SH3BP2: variants seen among roughly 807,000 people sequenced by gnomAD.
SH3BP2 encodes the protein SH3 domain binding protein 2.
A neutral mutation model predicts 56.2 loss-of-function variants in SH3BP2; 38 were observed. That is an observed-to-expected ratio of 0.68 (90% CI 0.52 to 0.89). The LOEUF (loss-of-function observed/expected upper bound fraction) is 0.89. Ranked by LOEUF, SH3BP2 falls within the 40% of genes least tolerant of loss-of-function variation. The probability of loss-of-function intolerance (pLI) is 0.00; values close to 1 mark genes in which losing one functional copy is unlikely to be tolerated. For synonymous variants in SH3BP2, 346 were observed against 316.7 expected, an observed-to-expected ratio of 1.09 and a Z score of -0.98; for missense variants, 748 against 762.6, an observed-to-expected ratio of 0.98 and a Z score of 0.23.
intron 5 of SH3BP2, chr4:2,826,996 T>C (rs1172486878): frequency 3.0e-6 from 2 of 668,622 alleles, no homozygotes; most frequent in Non-Finnish European, 5.5e-6. Context: ...TGTGTGCATG[T>C]GTGTGTCTGT....
At chr4:2,802,675 A>ATATATATATGTATATGTGTGTGTGTGTG in intron 1 of SH3BP2, among the ~76,000 whole-genome samples, 1 of 145,986 alleles carries the variant, frequency 6.8e-6, no homozygotes, top group African/African-American at 2.7e-5. Flanking sequence ...GTGTGTGTGT[A>ATATATATATGTATATGTGTGTGTGTGTG]TATATATATG....
chr4:2,794,774 T>A (rs1723007598), intron 1 of SH3BP2, among the ~76,000 whole-genome samples: 2 of 152,196 alleles, frequency 1.3e-5, no homozygotes, highest in Admixed American at 1.3e-4. Flanking sequence ...GGGCCTGCCT[T>A]GGCCCTTTCT....
At chr4:2,832,563 C>G (rs1725048427) in intron 11 of SH3BP2, 151 bp downstream of exon 11, 1 of 721,044 alleles carries the variant, frequency 1.4e-6, no homozygotes, top group South Asian at 1.5e-5. Flanking sequence ...CAGCACCCCC[C>G]AATCTATTCC....
rs554356820 is a variant in SH3BP2 at position 2,806,346 on chromosome 4, G to T, written c.-5+13208G>T. On this transcript the variant is annotated intron_variant, in intron 1 of 12. Coordinates refer to ENST00000503393, the MANE Select transcript of SH3BP2 (RefSeq NM_001122681.2). ...GGCGAGGCAGGGTGGGGAGGAGGTG[G>T]GCCCCAGCCTTGGGTGGGAGCCAGG... Among the ~76,000 whole-genome samples the T allele has an allele frequency of 2.6e-5, 4 of 152,294 alleles. No homozygotes were observed. The East Asian group carries it at 7.7e-4, about 29-fold the overall frequency.
intron 5 of SH3BP2, chr4:2,826,783 C>T (rs1216134690): frequency 7.8e-6 from 3 of 382,934 alleles, no homozygotes; most frequent in Admixed American, 3.0e-5. Context: ...GTGTGTCGCT[C>T]GTCTGTGTGT....
rs140532510 is a variant in SH3BP2, at chr4:2,827,230, C to G, written c.429C>G (p.Ser143Arg). 1.2e-6 allele frequency: 2 copies of G among 1,613,814 alleles called. No homozygotes were observed. The highest frequency in any genetic ancestry group is 8.5e-7 in the Non-Finnish European group (1 of 1,179,938). Residue 143 changes from serine to arginine, a missense_variant and splice_region_variant, in exon 6 of 13, where the codon AGC becomes AGG. Physicochemically the swap from Ser to Arg is moderately radical, Grantham distance 110 (BLOSUM62 -1). Around this residue, in one of 3 missense-constraint regions of SH3BP2, gnomAD observed 635 missense variants for 615.0 expected, o/e 1.03. Coordinates refer to ENST00000503393, the MANE Select transcript of SH3BP2 (RefSeq NM_001122681.2). ...CGCCCCAACGCACCCTGCATTGCAGCGACTCCAGCTCGGACACAGACAGCT... is the reference window on the plus strand; with the variant it reads ...CGCCCCAACGCACCCTGCATTGCAGGGACTCCAGCTCGGACACAGACAGCT... ...HEKKDLPLDT[S>R]DSSSDTDSFY...
chr4:2,825,090 T>G (rs1359598940), intron 4 of SH3BP2, 36 bp from the exon 5 acceptor site: 26 of 1,542,024 alleles, frequency 1.7e-5, no homozygotes, highest in Non-Finnish European at 2.2e-5. Flanking sequence ...CCCACCCTGG[T>G]GGCACCGTGC....
In SH3BP2 at chr4:2,829,688, C is replaced by G. The variant is rs146213141; in HGVS notation, c.782C>G (p.Pro261Arg). The G allele has an allele frequency of 3.1e-4, 499 of 1,613,076 alleles. No homozygotes were observed. In the African/African-American group the frequency reaches 6.1e-3, roughly 20 times the overall value. Reference sequence around the variant, plus strand: ...GACTCCAAGAGGGACCCACTGTGCCCGAGGCGGGCTGAGCCTTGCCCCAGG... The same window carrying G: ...GACTCCAAGAGGGACCCACTGTGCCGGAGGCGGGCTGAGCCTTGCCCCAGG... ...AEDSKRDPLC[P>R]RRAEPCPRVP... Residue 261 changes from proline to arginine, a missense_variant, in exon 8 of 13, where the codon CCG becomes CGG. Coordinates refer to ENST00000503393, the MANE Select transcript of SH3BP2 (RefSeq NM_001122681.2). The surrounding 1 kb of genome is among the most constrained non-coding windows in gnomAD (Gnocchi z 4.9).
chr4:2,821,827 G>A (rs949676461), intron 2 of SH3BP2, among the ~76,000 whole-genome samples: 2 of 151,990 alleles, frequency 1.3e-5, no homozygotes, highest in African/African-American at 2.4e-5. Context: ...TTACAGGTGT[G>A]AGCCACCGCA....
At chr4:2,825,478 GCA>G (rs1183829904) in intron 5 of SH3BP2, among the ~76,000 whole-genome samples, 2 of 139,912 alleles carry the variant, frequency 1.4e-5, no homozygotes, top group East Asian at 2.1e-4. Context: ...GTGGACATGC[GCA>G]CACACACAGA....
At chr4:2,796,119 C>T (rs1485607374) in intron 1 of SH3BP2, among the ~76,000 whole-genome samples, 1 of 152,156 alleles carries the variant, frequency 6.6e-6, no homozygotes, top group Non-Finnish European at 1.5e-5. Flanking sequence ...GCCTTGTAGG[C>T]GAATTGCACT....
At chr4:2,808,557 G>A (rs1420239752) in intron 1 of SH3BP2, among the ~76,000 whole-genome samples, 1 of 152,028 alleles carries the variant, frequency 6.6e-6, no homozygotes, top group African/African-American at 2.4e-5. Context: ...TGCCCAGTCC[G>A]AGTTCCCGGG....
rs772096716 is a variant in SH3BP2, at chr4:2,824,726, G to A, written c.353G>A (p.Arg118His). 1.5e-5 allele frequency: 24 copies of A among 1,605,114 alleles called. No homozygotes were observed. The highest frequency in any genetic ancestry group is 8.8e-5 in the South Asian group (8 of 90,928). Residue 118 changes from arginine (R) to histidine (H), a missense_variant, in exon 4 of 13, where the codon CGC becomes CAC. This residue lies in a region of SH3BP2 where 635 missense variants were observed against 615.0 expected (regional missense o/e 1.03). Coordinates refer to ENST00000503393, the MANE Select transcript of SH3BP2 (RefSeq NM_001122681.2). ...TTCTCGGCCTCCTCCGAGGAGGAGCGCAAGGTGACTGGGGGTCCGAGGACG... is the reference window on the plus strand; with the variant it reads ...TTCTCGGCCTCCTCCGAGGAGGAGCACAAGGTGACTGGGGGTCCGAGGACG... The part of the protein sequence containing the change: ...WFFSASSEEE[R>H]KSWMALLRRE...
chr4:2,832,423 G>C lies in SH3BP2; in HGVS notation c.1488+11G>C. The C allele has an allele frequency of 1.9e-6, 3 of 1,610,984 alleles. No homozygotes were observed. The highest frequency in any genetic ancestry group is 1.7e-4 in the Middle Eastern group (1 of 6,040). ...ACCAAGTCGGGGAAGGTAGGCGCCA[G>C]GGGAAGATGCCCCAGGGCCCCTCTG... is the stretch of plus-strand genomic sequence containing the variant. On this transcript the variant is annotated intron_variant, in intron 11 of 12. Transcript: ENST00000503393.
At chr4:2,801,113 C>T (rs1479580800) in intron 1 of SH3BP2, among the ~76,000 whole-genome samples, 5 of 152,158 alleles carry the variant, frequency 3.3e-5, no homozygotes, top group African/African-American at 7.2e-5. Flanking sequence ...GTCTTGACCG[C>T]GGAGGACCGG....
chr4:2,807,203 G>A (rs982882367), intron 1 of SH3BP2, among the ~76,000 whole-genome samples: 1 of 152,214 alleles, frequency 6.6e-6, no homozygotes, highest in African/African-American at 2.4e-5. Flanking sequence ...AGGTCCAGGG[G>A]TGTGGAAGGG....
intron 1 of SH3BP2, among the ~76,000 whole-genome samples, chr4:2,803,296 G>A (rs868779887): frequency 6.6e-6 from 1 of 152,200 alleles, no homozygotes; most frequent in African/African-American, 2.4e-5. Context: ...CCTACTGCAT[G>A]CCACCCCAGC....
At chr4:2,805,023 C>T (rs1051952117) in intron 1 of SH3BP2, among the ~76,000 whole-genome samples, 1 of 152,242 alleles carries the variant, frequency 6.6e-6, no homozygotes, top group African/African-American at 2.4e-5. Flanking sequence ...GTCCAGCAGC[C>T]TAGCCCTCCT....
chr4:2,831,892 CGTT>C lies in SH3BP2; in HGVS notation c.1351-29_1351-27del. On this transcript the variant is annotated intron_variant, in intron 9 of 12. Transcript: ENST00000503393. This position sits in a 1 kb window ranked among gnomAD's most constrained non-coding sequence, Gnocchi z 4.1. Reference sequence around the variant, plus strand: ...TGGTGGTGCGGGTGGATCACTCCGACGTTGGCACTGACACCGTCAGCCTCTTGC... The same window carrying C: ...TGGTGGTGCGGGTGGATCACTCCGACGGCACTGACACCGTCAGCCTCTTGC... 6.2e-7 allele frequency: 1 copy of C among 1,609,994 alleles called. No homozygotes were observed. The highest frequency in any genetic ancestry group is 8.5e-7 in the Non-Finnish European group (1 of 1,178,594).
Sources: gnomAD v4.1 joint callset for allele counts (sites outside exome capture counted in the v4.1 genomes callset) on GRCh38, gnomAD v4.1.1 for gene constraint, gnomAD v4.1.1 regional missense constraint, Gnocchi (gnomAD v3.1) non-coding constraint, MANE v1.5 for transcripts, NCBI Gene and HGNC (gene_info 2026-07-23, HGNC 2026-07-21) for gene names.